The following KIFC3 variants were observed in gnomAD, a reference collection of about 807,000 sequenced individuals.
KIFC3 encodes kinesin family member C3.
KIFC3 carries 60 observed loss-of-function variants against 101.8 expected under a neutral mutation model. That is an observed-to-expected ratio of 0.59 (90% CI 0.48 to 0.73). The LOEUF is 0.73. Among genes scored for constraint, KIFC3 ranks in the 30% least tolerant of loss-of-function variants. The probability of loss-of-function intolerance (pLI) is 0.00; values close to 1 mark genes in which losing one functional copy is unlikely to be tolerated. For synonymous variants in KIFC3, 476 were observed against 482.7 expected (o/e 0.99, Z 0.18); for missense variants, 966 against 1,137.1 (o/e 0.85, Z 2.16).
chr16:57,760,093 C>T (rs556243667), intron 17 of KIFC3, 189 bp downstream of exon 17: 19 of 731,068 alleles, frequency 2.6e-5, no homozygotes, highest in African/African-American at 1.8e-4. Flanking sequence ...CAGGAACCTC[C>T]GAGGCCAAGA....
At chr16:57,783,531 G>A (rs2052988807) in intron 3 of KIFC3, among the ~76,000 whole-genome samples, 1 of 144,558 alleles carries the variant, frequency 6.9e-6, no homozygotes, top group South Asian at 2.2e-4. Context: ...GGAGTGCAGT[G>A]GCGTGATCTC....
Position 57,758,666 on chromosome 16 carries a change from G to C in KIFC3, c.*268C>G, listed in dbSNP as rs1555591271. On this transcript the variant is annotated 3_prime_UTR_variant, in exon 20 of 20. Transcript: ENST00000445690. ...CCCAGTTCGCTGATGGCCCAGGCCT[G>C]CCAGGAAGAGCAGCCACCCCCGCCT... 1.4e-6 allele frequency: 1 copy of C among 707,776 alleles called. No individual in the cohort carries two copies. Among genetic ancestry groups the C allele is most frequent in the East Asian group, 2.7e-5 (1 of 37,252 alleles). The allele number at this position is 707,776 out of a possible 1,614,324, so 43.8% of individuals were successfully genotyped here.
chr16:57,839,296 T>C (rs1010516920), intron 1 of KIFC3, among the ~76,000 whole-genome samples: 16 of 152,234 alleles, frequency 1.1e-4, no homozygotes, highest in East Asian at 5.8e-4. Flanking sequence ...CCCAGCACTT[T>C]GGGGAGGCCA....
upstream of KIFC3, among the ~76,000 whole-genome samples, chr16:57,807,223 GAAAA>G (rs376858251): frequency 7.0e-6 from 1 of 143,810 alleles, no homozygotes; most frequent in Non-Finnish European, 1.5e-5. Flanking sequence ...TCTAAAAAAA[GAAAA>G]AAAAAAACCC....
chr16:57,766,130 G>C (rs1194103524), intron 10 of KIFC3, among the ~76,000 whole-genome samples: 2 of 152,152 alleles, frequency 1.3e-5, no homozygotes, highest in African/African-American at 4.8e-5. Context: ...CAGCCACAGG[G>C]GTATCTGGCA....
chr16:57,771,634 C>T lies in KIFC3; in HGVS notation c.434G>A (p.Arg145Gln). ...ACAGCGCCGCATCTCCTGCCTCAGT[C>T]GCTCATTCTCCACCATCAGCAGGTC... ...HRDLLMVENERLRQEMRRCEA... is the reference protein window; with the variant it reads ...HRDLLMVENEQLRQEMRRCEA... Residue 145 changes from arginine (R) to glutamine (Q), a missense_variant, in exon 5 of 20, where the codon CGA becomes CAA. Coordinates refer to ENST00000445690, the MANE Select transcript of KIFC3 (RefSeq NM_001130100.2). 7 of 1,613,272 alleles carry T rather than the reference C, an allele frequency of 4.3e-6. No individual in the cohort carries two copies. The highest frequency in any genetic ancestry group is 1.7e-4 in the Middle Eastern group (1 of 6,060).
At position 57,770,527 on chromosome 16, in the gene KIFC3, C is replaced by G. The variant is rs2051029197; in HGVS notation, c.939G>C (p.Gln313His). ...ATGTGCCCCCACACAGCCTGGGTAC[C>G]TGCGCCCGGAGCCGCGCGGTCAGCT... ...SHQLTARLRAQIAMYESELER... is the reference protein window; with the variant it reads ...SHQLTARLRAHIAMYESELER... Residue 313 changes from glutamine (Q) to histidine (H), a missense_variant and splice_region_variant, in exon 7 of 20, where the codon CAG becomes CAC. This residue lies in a region of KIFC3 where 689 missense variants were observed against 884.6 expected (regional missense o/e 0.78). Coordinates refer to ENST00000445690, the MANE Select transcript of KIFC3 (RefSeq NM_001130100.2). 2.7e-5 allele frequency: 38 copies of G among 1,429,464 alleles called. No homozygotes were observed. The highest frequency in any genetic ancestry group is 3.5e-5 in the Non-Finnish European group (38 of 1,091,084). The allele number at this position is 1,429,464 out of a possible 1,614,324, so 88.5% of individuals were successfully genotyped here.
At chr16:57,839,906 C>T (rs2149309719) in intron 1 of KIFC3, among the ~76,000 whole-genome samples, 1 of 152,250 alleles carries the variant, frequency 6.6e-6, no homozygotes, top group South Asian at 2.1e-4. Context: ...TCATCACCAT[C>T]CATTTCCATT....
intron 1 of KIFC3, among the ~76,000 whole-genome samples, chr16:57,850,603 A>G (rs1479766316): frequency 6.7e-6 from 1 of 150,198 alleles, no homozygotes; most frequent in Non-Finnish European, 1.5e-5. Flanking sequence ...AGCCTCCCAA[A>G]TAGCTGGGAT....
At chr16:57,789,390 G>C (rs1207311481) in intron 3 of KIFC3, among the ~76,000 whole-genome samples, 1 of 152,380 alleles carries the variant, frequency 6.6e-6, no homozygotes, top group East Asian at 1.9e-4. Context: ...GTTTCATCCA[G>C]AGAACGTCAC....
intron 1 of KIFC3, among the ~76,000 whole-genome samples, chr16:57,835,658 C>G (rs2055670412): frequency 6.6e-6 from 1 of 152,166 alleles, no homozygotes; most frequent in Non-Finnish European, 1.5e-5. Flanking sequence ...GCTAATAAAA[C>G]TCCATTCCAG....
intron 1 of KIFC3, among the ~76,000 whole-genome samples, chr16:57,825,505 T>G (rs2055440083): frequency 6.6e-6 from 1 of 152,230 alleles, no homozygotes; most frequent in Admixed American, 6.5e-5. Flanking sequence ...TGGGGCCAGC[T>G]GTGAGTCAGG....
intron 1 of KIFC3, among the ~76,000 whole-genome samples, chr16:57,845,100 C>T (rs985506735): frequency 3.3e-5 from 5 of 152,178 alleles, no homozygotes; most frequent in Non-Finnish European, 7.3e-5. Flanking sequence ...AAGATGTCCA[C>T]GCTGGAACTT....
At chr16:57,766,369 G>A (rs1443868294) in intron 10 of KIFC3, among the ~76,000 whole-genome samples, 2 of 152,228 alleles carry the variant, frequency 1.3e-5, no homozygotes, top group East Asian at 3.8e-4. Context: ...AGCCCTGGAA[G>A]GGGGCAGGGT....
At chr16:57,846,410 T>C (rs1186377616) in intron 1 of KIFC3, 1 of 152,310 alleles carries the variant, frequency 6.6e-6, no homozygotes, top group African/African-American at 2.4e-5. Context: ...TAAATGAGAA[T>C]CCTGATGGCT....
chr16:57,793,535 G>T (rs2054053495), intron 3 of KIFC3, among the ~76,000 whole-genome samples: 1 of 151,450 alleles, frequency 6.6e-6, no homozygotes, highest in Non-Finnish European at 1.5e-5. Flanking sequence ...GGAGGCTGCA[G>T]TGAGCTGAGA....
chr16:57,759,620 A>C, intron 18 of KIFC3, 108 bp downstream of exon 18: 1 of 814,766 alleles, frequency 1.2e-6, no homozygotes, highest in Non-Finnish European at 1.9e-6. Flanking sequence ...GAGAAGGTGT[A>C]AGAACTTTTT....
At chr16:57,861,430 T>C (rs1247183258) in intron 1 of KIFC3, among the ~76,000 whole-genome samples, 3 of 152,218 alleles carry the variant, frequency 2.0e-5, no homozygotes, top group African/African-American at 7.2e-5. Context: ...TCTATCTCAA[T>C]GTCTTTCCTT....
At chr16:57,775,036 T>TGGGGTTTGCC in intron 3 of KIFC3, 1 of 1,522,706 alleles carries the variant, frequency 6.6e-7, no homozygotes, top group Non-Finnish European at 8.8e-7. Flanking sequence ...GCAGGGAGAG[T>TGGGGTTTGCC]GGGGTTTGCC....
Sources: gnomAD v4.1 joint callset for allele counts (sites outside exome capture counted in the v4.1 genomes callset) on GRCh38, gnomAD v4.1.1 for gene constraint, gnomAD v4.1.1 regional missense constraint, MANE v1.5 for transcripts, NCBI Gene and HGNC (gene_info 2026-07-23, HGNC 2026-07-21) for gene names.